Variants in DCDC2C observed in about 807,000 individuals in gnomAD.
DCDC2C encodes doublecortin domain-containing protein 2C.
A neutral mutation model predicts 45.0 loss-of-function variants in DCDC2C; 44 were observed. The ratio of observed to expected loss-of-function variants is 0.98; its 90% CI spans 0.77 to 1.26. The LOEUF (loss-of-function observed/expected upper bound fraction) is 1.26, where lower values mean the gene tolerates loss of function less well. DCDC2C is among the 50% of genes most tolerant of loss of function. DCDC2C has a pLI of 0.00. For synonymous variants in DCDC2C, 187 were observed against 178.8 expected (o/e 1.05, Z -0.37); for missense variants, 447 against 468.9 (o/e 0.95, Z 0.43).
At position 3,703,939 on chromosome 2, in the gene DCDC2C, T is replaced by A. The variant is rs1028612520; in HGVS notation, c.188T>A (p.Leu63His). 1.7e-5 allele frequency: 22 copies of A among 1,328,462 alleles called. No homozygotes were observed. The highest frequency in any genetic ancestry group is 2.0e-5 in the Non-Finnish European group (21 of 1,037,186). The allele number at this position is 1,328,462 out of a possible 1,614,324, so 82.3% of individuals were successfully genotyped here. ...QVDVPFGVRR[L>H]FTPTRGHRVL... ...GACGTCCCGTTCGGCGTGCGCCGCCTCTTCACGCCCACGCGTGGGCACCGG... is the reference window on the plus strand; with the variant it reads ...GACGTCCCGTTCGGCGTGCGCCGCCACTTCACGCCCACGCGTGGGCACCGG... Residue 63 changes from leucine (L) to histidine (H), a missense_variant, in exon 1 of 11, where the codon CTC becomes CAC. By Grantham distance (99) the Leu-to-His change is moderately conservative (BLOSUM62 -3). Coordinates refer to ENST00000399143, the MANE Select transcript of DCDC2C (RefSeq NM_001287444.2). The surrounding 1 kb of genome is among the most constrained non-coding windows in gnomAD (Gnocchi z 4.4).
At chr2:3,741,682 CAAA>C (rs1407970153) in intron 3 of DCDC2C, among the ~76,000 whole-genome samples, 1 of 150,720 alleles carries the variant, frequency 6.6e-6, no homozygotes, top group Non-Finnish European at 1.5e-5. Context: ...TCGTCTACAA[CAAA>C]AGCACACATA....
intron 1 of DCDC2C, among the ~76,000 whole-genome samples, chr2:3,705,975 A>C (rs2148036752): frequency 6.6e-6 from 1 of 152,316 alleles, no homozygotes; most frequent in South Asian, 2.1e-4. Flanking sequence ...CCATGTCTGC[A>C]TGTGAAGTTC....
At chr2:3,755,656 C>A (rs890679204) in intron 6 of DCDC2C, among the ~76,000 whole-genome samples, 5 of 151,184 alleles carry the variant, frequency 3.3e-5, no homozygotes, top group Admixed American at 1.3e-4. Flanking sequence ...TGTGTGTGTA[C>A]ATATGGATGC....
In DCDC2C at chr2:3,785,054, A is replaced by T; in HGVS notation, c.1024-5A>T. ...TTGATTCCTATATTTGTTTTTTCAT[A>T]CTAGGATAAAGAAGATGCAAGGCTT... On this transcript the variant is annotated splice_polypyrimidine_tract_variant and splice_region_variant and intron_variant, in intron 9 of 10. Transcript: ENST00000399143. The T allele has an allele frequency of 8.1e-7, 1 of 1,231,490 alleles. No individual in the cohort carries two copies. The allele number at this position is 1,231,490 out of a possible 1,614,324, so 76.3% of individuals were successfully genotyped here. A position where few individuals can be genotyped will look rare whatever the true frequency, so the allele number is the denominator to read the frequency against.
intron 10 of DCDC2C, among the ~76,000 whole-genome samples, chr2:3,813,653 T>A (rs192687265): frequency 0.01 from 1,550 of 151,220 alleles, 38 homozygotes; most frequent in African/African-American, 0.035. Flanking sequence ...TTTTTTTTTT[T>A]ACCATTATGT....
chr2:3,809,351 G>A (rs142644728), intron 10 of DCDC2C, among the ~76,000 whole-genome samples: 175 of 152,180 alleles, frequency 1.1e-3, no homozygotes, highest in African/African-American at 4.0e-3. Flanking sequence ...ATGATATTGG[G>A]TATAAAATAC....
chr2:3,771,144 T>C (rs1448598731), intron 8 of DCDC2C, among the ~76,000 whole-genome samples: 1 of 152,248 alleles, frequency 6.6e-6, no homozygotes, highest in Non-Finnish European at 1.5e-5. Flanking sequence ...GTCCTCCCTC[T>C]GCATCCTCCG....
chr2:3,723,034 A>C (rs750505469), intron 2 of DCDC2C, among the ~76,000 whole-genome samples: 43 of 152,352 alleles, frequency 2.8e-4, no homozygotes, highest in Non-Finnish European at 5.6e-4. Context: ...GAATGGATGC[A>C]GGTGTGCATT....
At chr2:3,814,373 G>C (rs1356721480) in intron 10 of DCDC2C, among the ~76,000 whole-genome samples, 2 of 152,124 alleles carry the variant, frequency 1.3e-5, no homozygotes, top group East Asian at 3.9e-4. Flanking sequence ...GCTCCATCCT[G>C]TTGTTTATGT....
In DCDC2C at chr2:3,771,456, A is replaced by C. The variant is rs1670166663; in HGVS notation, c.954+2045A>C. ...TGAAAATGCACACGTGGGAGGCGCCACTCTCATATCTCTCCTTGGGGGAAT... is the reference window on the plus strand; with the variant it reads ...TGAAAATGCACACGTGGGAGGCGCCCCTCTCATATCTCTCCTTGGGGGAAT... On this transcript the variant is annotated intron_variant, in intron 8 of 10. Coordinates refer to ENST00000399143, the MANE Select transcript of DCDC2C (RefSeq NM_001287444.2). 2.0e-5 allele frequency among the ~76,000 whole-genome samples: 3 copies of C among 152,156 alleles called. 1 individual carries two copies. The South Asian group carries it at 6.2e-4, about 32-fold the overall frequency.
chr2:3,827,038 A>C (rs533035663), intron 10 of DCDC2C, among the ~76,000 whole-genome samples: 1 of 152,054 alleles, frequency 6.6e-6, no homozygotes, highest in Non-Finnish European at 1.5e-5. Flanking sequence ...GAAGACAAAT[A>C]TAGAAGGAGT....
At chr2:3,813,347 G>A (rs960256377) in intron 10 of DCDC2C, among the ~76,000 whole-genome samples, 54 of 152,178 alleles carry the variant, frequency 3.5e-4, no homozygotes, top group African/African-American at 1.2e-3. Flanking sequence ...GATTACAGGC[G>A]TCAGCCACCA....
In DCDC2C at chr2:3,737,500, T is replaced by A. The variant is rs6542652; in HGVS notation, c.417-4420T>A. Among the ~76,000 whole-genome samples the A allele has an allele frequency of 4.3e-3, 661 of 152,296 alleles. 1 individual carries two copies. The highest frequency in any genetic ancestry group is 0.015 in the African/African-American group (610 of 41,566). ...TCCCACCTACTATCATCAATGTATT[T>A]CGGAGAGAAACAGCACATTTCTGAT... On this transcript the variant is annotated intron_variant, in intron 3 of 10. Coordinates refer to ENST00000399143, the MANE Select transcript of DCDC2C (RefSeq NM_001287444.2).
chr2:3,806,130 C>T (rs1572631522), intron 10 of DCDC2C, among the ~76,000 whole-genome samples: 1 of 152,218 alleles, frequency 6.6e-6, no homozygotes, highest in South Asian at 2.1e-4. Flanking sequence ...GCCACCATGC[C>T]TGGCCTTCAG....
At chr2:3,746,402 A>G (rs1669362497) in intron 4 of DCDC2C, among the ~76,000 whole-genome samples, 1 of 152,108 alleles carries the variant, frequency 6.6e-6, no homozygotes, top group Non-Finnish European at 1.5e-5. Flanking sequence ...AGCACGACCC[A>G]CTCTAAGAAA....
intron 10 of DCDC2C, among the ~76,000 whole-genome samples, chr2:3,808,700 G>T (rs1252322896): frequency 2.6e-5 from 4 of 152,190 alleles, no homozygotes; most frequent in Non-Finnish European, 4.4e-5. Flanking sequence ...GCCAGTATGT[G>T]GCTTGTCTTC....
intron 7 of DCDC2C, 62 bp downstream of exon 7, chr2:3,767,942 AT>A (rs11404437): frequency 0.014 from 15,612 of 1,109,244 alleles, 305 homozygotes; most frequent in African/African-American, 0.12. Flanking sequence ...AGAACATGGG[AT>A]TTTTTTTTTT....
chr2:3,799,258 A>G (rs1458281913), intron 10 of DCDC2C, among the ~76,000 whole-genome samples: 1 of 152,020 alleles, frequency 6.6e-6, no homozygotes, highest in Non-Finnish European at 1.5e-5. Context: ...TGGTTATTCT[A>G]GTTATACATT....
chr2:3,727,371 T>C (rs923716424), intron 3 of DCDC2C, among the ~76,000 whole-genome samples: 3 of 152,216 alleles, frequency 2.0e-5, no homozygotes, highest in Non-Finnish European at 4.4e-5. Flanking sequence ...CACCTGGGGA[T>C]ATGAAGATAA....
Sources: gnomAD v4.1 joint callset for allele counts (sites outside exome capture counted in the v4.1 genomes callset) on GRCh38, gnomAD v4.1.1 for gene constraint, Gnocchi (gnomAD v3.1) non-coding constraint, MANE v1.5 for transcripts, NCBI Gene and HGNC (gene_info 2026-07-23, HGNC 2026-07-21) for gene names.